MYO16: variants seen among roughly 807,000 people sequenced by gnomAD.
MYO16 encodes myosin XVI, also known as unconventional myosin-XVI.
A neutral mutation model predicts 205.3 loss-of-function variants in MYO16; 94 were observed. The observed-to-expected ratio is 0.46, with a 90% CI of 0.39 to 0.54. The LOEUF (loss-of-function observed/expected upper bound fraction) is 0.54, where lower values mean the gene tolerates loss of function less well. Ranked by LOEUF, MYO16 falls within the 20% of genes least tolerant of loss-of-function variation. The pLI is 0.00. For synonymous variants in MYO16, 988 were observed against 954.0 expected, an observed-to-expected ratio of 1.04 and a Z score of -0.66; for missense variants, 2,315 against 2,387.5, an observed-to-expected ratio of 0.97 and a Z score of 0.63.
At chr13:108,584,117 C>T in the MYO16 span, among the ~76,000 whole-genome samples, 16 of 152,072 alleles carry the variant, frequency 1.1e-4, no homozygotes, top group African/African-American at 3.6e-4. Flanking sequence ...CCACGCCCAG[C>T]TAATTTTTTG....
intron 16 of MYO16, among the ~76,000 whole-genome samples, chr13:108,951,735 GAT>G (rs1161671503): frequency 2.6e-5 from 4 of 152,190 alleles, no homozygotes; most frequent in Non-Finnish European, 5.9e-5. Flanking sequence ...GGTGAGGAAA[GAT>G]ATTAACTAGT....
intron 3 of MYO16, 54 bp downstream of exon 3, chr13:108,712,785 A>T: frequency 1.4e-6 from 2 of 1,424,294 alleles, no homozygotes; most frequent in Non-Finnish European, 1.9e-6. Flanking sequence ...GGGAGAGTAC[A>T]TTACAGGTTC....
intron 34 of MYO16, among the ~76,000 whole-genome samples, chr13:109,188,008 A>G (rs908791311): frequency 6.6e-6 from 1 of 152,168 alleles, no homozygotes; most frequent in Non-Finnish European, 1.5e-5. Flanking sequence ...TTTTTGCCTC[A>G]TGCATTTGGA....
At chr13:108,834,115 A>G (rs1876770496) in intron 9 of MYO16, among the ~76,000 whole-genome samples, 1 of 152,216 alleles carries the variant, frequency 6.6e-6, no homozygotes, top group Non-Finnish European at 1.5e-5. Context: ...TACAGGAAAG[A>G]AAGACTTTAC....
chr13:108,769,171 C>T (rs903145192), intron 4 of MYO16, among the ~76,000 whole-genome samples: 3 of 151,904 alleles, frequency 2.0e-5, no homozygotes, highest in African/African-American at 7.3e-5. Context: ...GAAATGAGAA[C>T]GGTAAGGGAA....
intron 4 of MYO16, among the ~76,000 whole-genome samples, chr13:108,775,787 G>A (rs1345394818): frequency 6.6e-6 from 1 of 152,196 alleles, no homozygotes; most frequent in Admixed American, 6.5e-5. Flanking sequence ...TCAATGTGCA[G>A]TACAAGTAAG....
At chr13:108,687,534 A>G (rs1480598707) in intron 2 of MYO16, among the ~76,000 whole-genome samples, 3 of 152,166 alleles carry the variant, frequency 2.0e-5, no homozygotes. Context: ...TCTGCTCTGC[A>G]TTCATTTTAA....
At chr13:108,724,011 A>C (rs1175330869) in intron 3 of MYO16, among the ~76,000 whole-genome samples, 1 of 152,126 alleles carries the variant, frequency 6.6e-6, no homozygotes, top group African/African-American at 2.4e-5. Flanking sequence ...CGTTTTGTTG[A>C]TTTTGGTGTG....
chr13:109,120,818 G>A (rs1432750868), intron 29 of MYO16, among the ~76,000 whole-genome samples: 1 of 152,136 alleles, frequency 6.6e-6, no homozygotes, highest in East Asian at 1.9e-4. Flanking sequence ...AGGAGGCTGA[G>A]GCAGGAGGAT....
intron 20 of MYO16, among the ~76,000 whole-genome samples, chr13:108,967,111 A>G (rs1351525823): frequency 6.6e-6 from 1 of 152,000 alleles, no homozygotes; most frequent in Non-Finnish European, 1.5e-5. Flanking sequence ...TCATCCAGAC[A>G]TGTATATACA....
intron 6 of MYO16, among the ~76,000 whole-genome samples, chr13:108,795,197 T>TCC (rs1291500458): frequency 4.7e-5 from 1 of 21,326 alleles, no homozygotes; most frequent in Non-Finnish European, 4.2e-4. Flanking sequence ...TTTTCTTACT[T>TCC]TCTTTTTTTT....
Position 108,795,482 on chromosome 13 carries a change from A to T in MYO16, c.741+1842A>T, listed in dbSNP as rs539533473. The stretch of plus-strand genomic sequence containing the variant: ...CTTGGCCTCCCAAAGTGCTGGGATT[A>T]CAGGTGTGAGTTACCGCGCCTGGCC... On this transcript the variant is annotated intron_variant, in intron 6 of 34. Coordinates refer to ENST00000457511, the MANE Select transcript of MYO16 (RefSeq NM_001198950.3). Among the ~76,000 whole-genome samples the T allele has an allele frequency of 3.3e-5, 5 of 152,304 alleles. No individual in the cohort carries two copies. The South Asian group carries it at 1.0e-3, about 32-fold the overall frequency.
At chr13:108,786,740 CAG>C (rs1886468559) in intron 5 of MYO16, among the ~76,000 whole-genome samples, 1 of 152,200 alleles carries the variant, frequency 6.6e-6, no homozygotes, top group Admixed American at 6.5e-5. Flanking sequence ...GTTACCACGA[CAG>C]GGGATGATGT....
chr13:109,073,166 A>G (rs1887979555), intron 27 of MYO16, among the ~76,000 whole-genome samples: 1 of 151,496 alleles, frequency 6.6e-6, no homozygotes, highest in African/African-American at 2.4e-5. Flanking sequence ...TAGTGGCGCA[A>G]TCTCAGCTCA....
At chr13:108,558,622 C>G in the MYO16 span, among the ~76,000 whole-genome samples, 1 of 152,158 alleles carries the variant, frequency 6.6e-6, no homozygotes, top group African/African-American at 2.4e-5. Flanking sequence ...TCAGCTCCCA[C>G]GAATGGATTA....
intron 16 of MYO16, among the ~76,000 whole-genome samples, chr13:108,928,364 T>C (rs147682048): frequency 1.9e-4 from 29 of 152,362 alleles, no homozygotes; most frequent in Admixed American, 5.9e-4. Context: ...TGATGTAGTC[T>C]ATTAGCTAGG....
At chr13:108,910,812 G>A (rs867097123) in intron 16 of MYO16, among the ~76,000 whole-genome samples, 49 of 152,240 alleles carry the variant, frequency 3.2e-4, no homozygotes, top group Middle Eastern at 3.4e-3. Flanking sequence ...AAGTTGGTGG[G>A]AAAAGAGCAC....
At chr13:109,121,752 A>G (rs917336993) in intron 29 of MYO16, among the ~76,000 whole-genome samples, 7 of 152,182 alleles carry the variant, frequency 4.6e-5, no homozygotes, top group African/African-American at 1.7e-4. Context: ...GGAGCCACAT[A>G]CCAAGATCTC....
At chr13:108,603,448 A>T (rs1166994437) in intron 1 of MYO16, among the ~76,000 whole-genome samples, 1 of 152,144 alleles carries the variant, frequency 6.6e-6, no homozygotes, top group East Asian at 1.9e-4. Context: ...TTCATATACA[A>T]CTTTGGTTTT....
Sources: gnomAD v4.1 joint callset for allele counts (sites outside exome capture counted in the v4.1 genomes callset) on GRCh38, gnomAD v4.1.1 for gene constraint, MANE v1.5 for transcripts, NCBI Gene and HGNC (gene_info 2026-07-23, HGNC 2026-07-21) for gene names.